The following HNRNPUL1 variants were observed in gnomAD, a reference collection of about 807,000 sequenced individuals.
HNRNPUL1 encodes the protein heterogeneous nuclear ribonucleoprotein U like 1.
In HNRNPUL1, 14 loss-of-function variants were observed where a neutral mutation model predicts 108.5. The observed-to-expected ratio is 0.13, with a 90% CI of 0.09 to 0.20. The LOEUF is 0.20. Among genes scored for constraint, HNRNPUL1 ranks in the 10% least tolerant of loss-of-function variants. HNRNPUL1 has a pLI of 1.00. For missense variants in HNRNPUL1, 804 were observed against 1,168.3 expected, an observed-to-expected ratio of 0.69 and a Z score of 4.55; for synonymous variants, 422 against 445.2, an observed-to-expected ratio of 0.95 and a Z score of 0.66.
In HNRNPUL1 at chr19:41,264,570, C is replaced by G; in HGVS notation, c.67C>G (p.Arg23Gly). The G allele has an allele frequency of 6.4e-7, 1 of 1,553,632 alleles. No homozygotes were observed. Among genetic ancestry groups the G allele is most frequent in the Non-Finnish European group, 8.6e-7 (1 of 1,156,530 alleles). Residue 23 changes from arginine to glycine, a missense_variant, in exon 1 of 15, where the codon CGA becomes GGA. By Grantham distance (125) the Arg-to-Gly change is moderately radical (BLOSUM62 -2). Coordinates refer to ENST00000392006, the MANE Select transcript of HNRNPUL1 (RefSeq NM_007040.6). ...GCTGCAGCGCCGCGGCCTGGACACT[C>G]GAGGCCTCAAGGCCGAGCTTGCTGA... ...EELQRRGLDT[R>G]GLKAELAERL... is the part of the protein sequence containing the mutation.
chr19:41,273,936 G>T (rs746937010), intron 3 of HNRNPUL1, 46 bp from the exon 4 acceptor site: 3 of 1,422,436 alleles, frequency 2.1e-6, no homozygotes, highest in Non-Finnish European at 3.0e-6. Context: ...TTTCCTTTGT[G>T]CTCATCCATT....
In HNRNPUL1 at chr19:41,276,049, G is replaced by T. The variant is rs1442791731; in HGVS notation, c.647-110G>T. On this transcript the variant is annotated intron_variant, in intron 4 of 14. Transcript: ENST00000392006. ...ACCCGGGAGGCGGAGGTTGCGGTGAGCCAAGATCGCACCATTGCACTCCAG... is the reference window on the plus strand; with the variant it reads ...ACCCGGGAGGCGGAGGTTGCGGTGATCCAAGATCGCACCATTGCACTCCAG... 5 of 1,432,096 alleles carry T rather than the reference G, an allele frequency of 3.5e-6. No individual in the cohort carries two copies. In the African/African-American group the frequency reaches 5.6e-5, roughly 16 times the overall value. 88.7% of individuals were successfully genotyped at this position (1,432,096 alleles called of 1,614,324 possible).
chr19:41,291,417 G>A (rs2036569539), intron 7 of HNRNPUL1, among the ~76,000 whole-genome samples: 1 of 152,138 alleles, frequency 6.6e-6, no homozygotes, highest in South Asian at 2.1e-4. Flanking sequence ...GCCCTGCGGT[G>A]GCTTTCCTTC....
Position 41,292,650 on chromosome 19 carries a change from T to C in HNRNPUL1, c.1266+139T>C. The C allele has an allele frequency of 9.3e-7, 1 of 1,079,274 alleles. No individual in the cohort carries two copies. The highest frequency in any genetic ancestry group is 3.1e-4 in the Middle Eastern group (1 of 3,244). The allele number at this position is 1,079,274 out of a possible 1,614,324, so 66.9% of individuals were successfully genotyped here. ...TTGTCCCAGCTCCTCAGGGTTGGAC[T>C]CAGAGCTGAAAAGCTGCTCTGAGTG... On this transcript the variant is annotated intron_variant, in intron 8 of 14. Transcript: ENST00000392006. This position sits in a 1 kb window ranked among gnomAD's most constrained non-coding sequence, Gnocchi z 4.1.
chr19:41,275,619 A>G (rs2035502390), intron 4 of HNRNPUL1, among the ~76,000 whole-genome samples: 1 of 152,318 alleles, frequency 6.6e-6, no homozygotes, highest in East Asian at 1.9e-4. Context: ...CCCACCAGAT[A>G]AAGAACCCCA....
In HNRNPUL1 at chr19:41,276,220, T is replaced by A. The variant is rs779116610; in HGVS notation, c.708T>A (p.Ile236=). 154 of 1,613,610 alleles carry A rather than the reference T, an allele frequency of 9.5e-5. No individual in the cohort carries two copies. Among genetic ancestry groups the A allele is most frequent in the Non-Finnish European group, 1.2e-4 (140 of 1,179,970 alleles). ...RDRSSGYPLT[I]EGFAYLWSGA... is the part of the protein sequence containing the mutation. ...GGAGTAGTGGCTATCCGCTCACAATTGAGGGCTTTGCATACCTGTGGTCAG... is the reference window on the plus strand; with the variant it reads ...GGAGTAGTGGCTATCCGCTCACAATAGAGGGCTTTGCATACCTGTGGTCAG... Residue 236 remains isoleucine (I), a synonymous_variant, in exon 5 of 15, where the codon ATT becomes ATA. Transcript: ENST00000392006.
At chr19:41,301,779 C>G in intron 11 of HNRNPUL1, 75 bp downstream of exon 11, 1 of 1,314,120 alleles carries the variant, frequency 7.6e-7, no homozygotes, top group Non-Finnish European at 1.0e-6. Context: ...TCAGTTTGTC[C>G]TTCCCTGGCT....
In HNRNPUL1 at chr19:41,268,227, C is replaced by T. The variant is rs370857428; in HGVS notation, c.300C>T (p.Ala100=). Reference sequence around the variant, plus strand: ...CATTTTTAATTTTGTTTTAAGATGCCATGGACAATATTACCAGGCAGAACC... The same window carrying T: ...CATTTTTAATTTTGTTTTAAGATGCTATGGACAATATTACCAGGCAGAACC... ...GGYSGPDGHY[A]MDNITRQNQF... The change falls in exon 2 of 15, where the codon GCC becomes GCT. Residue 100 remains alanine, a synonymous_variant. Transcript: ENST00000392006. 8 of 1,613,140 alleles carry T rather than the reference C, an allele frequency of 5.0e-6. No individual in the cohort carries two copies. Among genetic ancestry groups the T allele is most frequent in the African/African-American group, 1.3e-5 (1 of 74,814 alleles).
intron 5 of HNRNPUL1, 104 bp downstream of exon 5, chr19:41,276,402 T>C (rs1490491548): frequency 1.6e-6 from 2 of 1,279,336 alleles, no homozygotes; most frequent in Non-Finnish European, 2.2e-6. Context: ...AGAGATTGGA[T>C]TGTGCAATAC....
chr19:41,275,445 G>T (rs1047707949), intron 4 of HNRNPUL1, among the ~76,000 whole-genome samples: 1 of 152,044 alleles, frequency 6.6e-6, no homozygotes, highest in Admixed American at 6.6e-5. Context: ...CCGAGATCAT[G>T]CCTCCGTACT....
intron 12 of HNRNPUL1, among the ~76,000 whole-genome samples, chr19:41,303,593 G>A (rs1987483): frequency 0.99 from 151,045 of 152,156 alleles, 74,975 homozygotes; most frequent in East Asian, 1. Context: ...ACCTCACGTG[G>A]TCCACCCGCC....
At chr19:41,269,617 C>A (rs758800162) in intron 2 of HNRNPUL1, among the ~76,000 whole-genome samples, 4 of 151,248 alleles carry the variant, frequency 2.6e-5, no homozygotes, top group Non-Finnish European at 4.4e-5. Context: ...AGCCTGGCAA[C>A]ATAGTGAGAC....
At chr19:41,299,248 C>T (rs1009172491) in intron 10 of HNRNPUL1, among the ~76,000 whole-genome samples, 1 of 152,162 alleles carries the variant, frequency 6.6e-6, no homozygotes, top group Non-Finnish European at 1.5e-5. Context: ...CATCCTCCTT[C>T]GTGAGGGTAG....
intron 7 of HNRNPUL1, among the ~76,000 whole-genome samples, chr19:41,289,813 A>G (rs73045245): frequency 0.064 from 9,673 of 150,110 alleles, 392 homozygotes; most frequent in South Asian, 0.2. Context: ...CCCTAGTTCA[A>G]GTGATTCTCC....
At position 41,306,587 on chromosome 19, in the gene HNRNPUL1, C is replaced by T. The variant is rs771221645; in HGVS notation, c.*22C>T. ...GTAGCCAGTGTGACCCAGAGGCTCC[C>T]GGAGGCCCCTGCCGGCTTCCTCCAC... On this transcript the variant is annotated 3_prime_UTR_variant, in exon 15 of 15. Transcript: ENST00000392006. The T allele has an allele frequency of 1.7e-5, 24 of 1,426,344 alleles. No homozygotes were observed. In the South Asian group the frequency reaches 2.3e-4, roughly 14 times the overall value. The allele number at this position is 1,426,344 out of a possible 1,614,324, so 88.4% of individuals were successfully genotyped here. A position where few individuals can be genotyped will look rare whatever the true frequency, so the allele number is the denominator to read the frequency against.
chr19:41,281,358 C>A (rs2035888867), intron 7 of HNRNPUL1, 83 bp downstream of exon 7: 7 of 844,168 alleles, frequency 8.3e-6, no homozygotes, highest in Non-Finnish European at 1.4e-5. Context: ...TATCCATTGT[C>A]TGCCCCATAT....
At chr19:41,295,104 G>C (rs2036812243) in intron 10 of HNRNPUL1, among the ~76,000 whole-genome samples, 1 of 152,312 alleles carries the variant, frequency 6.6e-6, no homozygotes, top group South Asian at 2.1e-4. Context: ...CCTAACGCAG[G>C]ACCTGGCACT....
chr19:41,266,179 T>C (rs2034830756), intron 1 of HNRNPUL1, among the ~76,000 whole-genome samples: 1 of 152,078 alleles, frequency 6.6e-6, no homozygotes, highest in East Asian at 1.9e-4. Flanking sequence ...TCACGCCTGT[T>C]ATTCCAGCAC....
rs771987699 is a variant in HNRNPUL1 at position 41,305,737 on chromosome 19, C to T, written c.2324C>T (p.Pro775Leu). The stretch of plus-strand genomic sequence containing the variant: ...TACAGCCAGGGCTACACAGCCCCAC[C>T]GCCTCCACCTCCACCACCACCTGCC... ...GGYSQGYTAP[P>L]PPPPPPPAYN... is the part of the protein sequence containing the mutation. Residue 775 changes from proline (P) to leucine (L), a missense_variant, in exon 14 of 15, where the codon CCG becomes CTG. Physicochemically the swap from Pro to Leu is moderately conservative, Grantham distance 98 (BLOSUM62 -3). Coordinates refer to ENST00000392006, the MANE Select transcript of HNRNPUL1 (RefSeq NM_007040.6). 12 of 1,614,032 alleles carry T rather than the reference C, an allele frequency of 7.4e-6. No homozygotes were observed. In the African/African-American group the frequency reaches 9.3e-5, roughly 13 times the overall value.
Sources: allele counts gnomAD v4.1 joint callset (sites outside exome capture counted in the v4.1 genomes callset), GRCh38; gene constraint gnomAD v4.1.1; non-coding constraint Gnocchi (gnomAD v3.1); transcripts MANE v1.5; gene names NCBI Gene and HGNC (gene_info 2026-07-23, HGNC 2026-07-21).